Variants in LDLRAD4 observed in about 807,000 individuals in gnomAD.
LDLRAD4 encodes low density lipoprotein receptor class A domain containing 4, also known as low-density lipoprotein receptor class A domain-containing protein 4.
LDLRAD4 carries 5 observed loss-of-function variants against 17.0 expected under a neutral mutation model. The observed-to-expected ratio is 0.29, with a 90% confidence interval of 0.15 to 0.62. The LOEUF (loss-of-function observed/expected upper bound fraction) is 0.62. Ranked by LOEUF, LDLRAD4 falls within the 20% of genes least tolerant of loss-of-function variation. The pLI is 0.84. For synonymous variants in LDLRAD4, 168 were observed against 171.8 expected (o/e 0.98, Z 0.17); for missense variants, 340 against 424.7 (o/e 0.80, Z 1.75).
At chr18:13,254,998 C>T (rs1027154461) in intron 1 of LDLRAD4, among the ~76,000 whole-genome samples, 1 of 152,166 alleles carries the variant, frequency 6.6e-6, no homozygotes, top group Admixed American at 6.5e-5. Flanking sequence ...CCCAATTCTT[C>T]TTGTTTAATA....
chr18:13,340,591 T>C (rs1355744519), intron 1 of LDLRAD4, among the ~76,000 whole-genome samples: 1 of 152,216 alleles, frequency 6.6e-6, no homozygotes, highest in Non-Finnish European at 1.5e-5. Context: ...GTCTTGCTGC[T>C]GTTGAGCTTT....
chr18:13,301,029 G>T (rs543527067), intron 1 of LDLRAD4, among the ~76,000 whole-genome samples: 1 of 152,320 alleles, frequency 6.6e-6, no homozygotes. Flanking sequence ...AGTGGGGCTC[G>T]TGTGTGCCCT....
Position 13,645,063 on chromosome 18 carries a change from C to A in LDLRAD4, c.391-64C>A. ...ACACCAAGCGTAACTTTCCTTGATT[C>A]TGACACATTTATGGTCATCATTGCG... On this transcript the variant is annotated intron_variant, in intron 5 of 5. Coordinates refer to ENST00000359446, the Ensembl canonical transcript of LDLRAD4. The surrounding 1 kb of genome is among the most constrained non-coding windows in gnomAD (Gnocchi z 5.7). 1 of 1,357,314 alleles carries A rather than the reference C, an allele frequency of 7.4e-7. No homozygotes were observed. The highest frequency in any genetic ancestry group is 1.0e-6 in the Non-Finnish European group (1 of 990,928). The allele number at this position is 1,357,314 out of a possible 1,614,324, so 84.1% of individuals were successfully genotyped here.
At chr18:13,284,109 C>G (rs969551206) in intron 1 of LDLRAD4, among the ~76,000 whole-genome samples, 1 of 152,104 alleles carries the variant, frequency 6.6e-6, no homozygotes, top group African/African-American at 2.4e-5. Context: ...ACAGCCAAAC[C>G]AAATCAAGGG....
intron 1 of LDLRAD4, among the ~76,000 whole-genome samples, chr18:13,221,875 T>C (rs181325015): frequency 2.6e-4 from 40 of 152,340 alleles, no homozygotes; most frequent in Admixed American, 1.8e-3. Flanking sequence ...TCTCCCTTGA[T>C]TGGCAGCTGC....
chr18:13,443,725 C>G (rs984439350), intron 3 of LDLRAD4, among the ~76,000 whole-genome samples: 2 of 152,120 alleles, frequency 1.3e-5, no homozygotes, highest in Non-Finnish European at 2.9e-5. Flanking sequence ...CCTCCTCCTC[C>G]CCCTTCTCCC....
intron 1 of LDLRAD4, among the ~76,000 whole-genome samples, chr18:13,220,976 T>C (rs1171575114): frequency 1.3e-5 from 2 of 152,182 alleles, no homozygotes; most frequent in Non-Finnish European, 2.9e-5. Flanking sequence ...CAAAGCCACC[T>C]CAGGGCCCTG....
At chr18:13,383,142 G>T (rs192019023) in intron 1 of LDLRAD4, among the ~76,000 whole-genome samples, 5 of 152,362 alleles carry the variant, frequency 3.3e-5, no homozygotes, top group African/African-American at 1.2e-4. Context: ...AGCTAGGGCT[G>T]GGTTAATTGT....
intron 4 of LDLRAD4, among the ~76,000 whole-genome samples, chr18:13,635,713 G>A (rs1410433380): frequency 6.6e-6 from 1 of 152,202 alleles, no homozygotes; most frequent in Non-Finnish European, 1.5e-5. Flanking sequence ...TGCAAGATTT[G>A]GAACCGTTCT....
At chr18:13,314,141 G>T (rs1159254437) in intron 1 of LDLRAD4, among the ~76,000 whole-genome samples, 1 of 152,130 alleles carries the variant, frequency 6.6e-6, no homozygotes, top group Non-Finnish European at 1.5e-5. Context: ...AATGAGTTTG[G>T]CAATCAGTGG....
chr18:13,634,977 G>A (rs1235237872), intron 4 of LDLRAD4, among the ~76,000 whole-genome samples: 3 of 152,168 alleles, frequency 2.0e-5, no homozygotes, highest in Non-Finnish European at 4.4e-5. Context: ...GCCATTCAAT[G>A]GGGAAAGGAC....
intron 3 of LDLRAD4, among the ~76,000 whole-genome samples, chr18:13,484,419 A>G (rs1330613669): frequency 1.3e-5 from 2 of 152,212 alleles, no homozygotes; most frequent in African/African-American, 4.8e-5. Context: ...CCTGAGTAAC[A>G]TATGGGGAGA....
intron 4 of LDLRAD4, among the ~76,000 whole-genome samples, chr18:13,629,507 T>TA (rs1166458639): frequency 6.6e-6 from 1 of 152,236 alleles, no homozygotes; most frequent in Non-Finnish European, 1.5e-5. Context: ...ATTCATGTAT[T>TA]ACCTTTGCAA....
rs147530041 is a variant in LDLRAD4 at position 13,286,535 on chromosome 18, C to T, written c.-383+8347C>T. Among the ~76,000 whole-genome samples the T allele has an allele frequency of 2.5e-3, 384 of 152,328 alleles. 1 individual carries two copies. The highest frequency in any genetic ancestry group is 8.3e-3 in the African/African-American group (345 of 41,572). On this transcript the variant is annotated intron_variant, in intron 1 of 5. Coordinates refer to ENST00000359446, the Ensembl canonical transcript of LDLRAD4. ...TACAGGTGTGTGTCACCATGCCCAG[C>T]TAACTTTTAAAATGTTTTGTAGAGA...
intron 1 of LDLRAD4, among the ~76,000 whole-genome samples, chr18:13,225,099 G>A (rs957810211): frequency 3.3e-5 from 5 of 152,176 alleles, no homozygotes; most frequent in Non-Finnish European, 5.9e-5. Flanking sequence ...GCCTCCCAAA[G>A]TGCTGGGATT....
At chr18:13,347,389 G>C (rs2082755096) in intron 1 of LDLRAD4, among the ~76,000 whole-genome samples, 1 of 152,194 alleles carries the variant, frequency 6.6e-6, no homozygotes. Flanking sequence ...TAAGAATGTT[G>C]AATATTGGCT....
At chr18:13,410,407 C>G (rs2088226709) in intron 2 of LDLRAD4, among the ~76,000 whole-genome samples, 1 of 152,184 alleles carries the variant, frequency 6.6e-6, no homozygotes, top group Non-Finnish European at 1.5e-5. Flanking sequence ...GATGTAAACA[C>G]TGGAGAAGGT....
chr18:13,259,257 C>T (rs2043673064), intron 1 of LDLRAD4, among the ~76,000 whole-genome samples: 1 of 152,152 alleles, frequency 6.6e-6, no homozygotes, highest in Non-Finnish European at 1.5e-5. Context: ...TAGCTCACTG[C>T]AGCCTCATAC....
At chr18:13,309,639 GT>G (rs1345087693) in intron 1 of LDLRAD4, among the ~76,000 whole-genome samples, 1 of 152,120 alleles carries the variant, frequency 6.6e-6, no homozygotes, top group African/African-American at 2.4e-5. Context: ...TCATAAAACT[GT>G]TTGCCTAGAC....
Sources: gnomAD v4.1 joint callset for allele counts (sites outside exome capture counted in the v4.1 genomes callset) on GRCh38, gnomAD v4.1.1 for gene constraint, Gnocchi (gnomAD v3.1) non-coding constraint, MANE v1.5 for transcripts, NCBI Gene and HGNC (gene_info 2026-07-23, HGNC 2026-07-21) for gene names.